BEND2: variants seen among roughly 807,000 people sequenced by gnomAD.
The protein encoded by BEND2 is BEN domain containing 2, also known as BEN domain-containing protein 2.
BEND2 carries 19 observed loss-of-function variants against 43.8 expected under a neutral mutation model. That is an observed-to-expected ratio of 0.43 (90% CI 0.30 to 0.64). BEND2 has a LOEUF of 0.64. BEND2 is among the 30% of genes least tolerant of loss of function. BEND2 has a pLI of 0.11. For missense variants in BEND2, 544 were observed against 574.0 expected, an observed-to-expected ratio of 0.95 and a Z score of 0.53; for synonymous variants, 226 against 210.1, an observed-to-expected ratio of 1.08 and a Z score of -0.66.
chrX:18,192,964 A>G (rs1207911846), intron 7 of BEND2, among the ~76,000 whole-genome samples: 2 of 111,193 alleles, frequency 1.8e-5, no homozygotes, highest in Admixed American at 9.6e-5. Context: ...ACATGGTGAA[A>G]CCCCATCTCT....
chrX:18,192,075 T>C (rs1363242114), intron 7 of BEND2, among the ~76,000 whole-genome samples: 2 of 112,275 alleles, frequency 1.8e-5, no homozygotes, highest in African/African-American at 3.2e-5. Flanking sequence ...ATCATTTCAA[T>C]CTCACCAAAA....
At chrX:18,194,226 T>C (rs903136685) in intron 7 of BEND2, among the ~76,000 whole-genome samples, 2 of 111,765 alleles carry the variant, frequency 1.8e-5, no homozygotes, top group African/African-American at 6.5e-5. Context: ...CAGTTTCTTA[T>C]AAAACTAAAC....
chrX:18,186,415 G>C (rs977623324), intron 8 of BEND2, among the ~76,000 whole-genome samples: 1 of 100,690 alleles, frequency 9.9e-6, no homozygotes, highest in Non-Finnish European at 2.0e-5. Context: ...CCGAGATTGC[G>C]CCATTGCACT....
intron 11 of BEND2, among the ~76,000 whole-genome samples, chrX:18,174,475 A>G (rs1157012058): frequency 2.7e-5 from 3 of 112,282 alleles, no homozygotes; most frequent in Non-Finnish European, 3.8e-5. Context: ...TGCTCCTTGG[A>G]GGATTTTGTA....
At chrX:18,183,926 G>T (rs962531478) in intron 8 of BEND2, among the ~76,000 whole-genome samples, 1 of 111,764 alleles carries the variant, frequency 8.9e-6, no homozygotes, top group Non-Finnish European at 1.9e-5. Flanking sequence ...CCCAAGGCTG[G>T]GGGGAACTCA....
intron 6 of BEND2, among the ~76,000 whole-genome samples, chrX:18,197,863 G>T (rs1191165307): frequency 1.8e-5 from 2 of 111,220 alleles, no homozygotes; most frequent in Non-Finnish European, 3.8e-5. Flanking sequence ...ATGGGGGCCA[G>T]TCTTTCCCAT....
At chrX:18,179,123 T>C (rs764013678) in intron 9 of BEND2, among the ~76,000 whole-genome samples, 98 of 109,771 alleles carry the variant, frequency 8.9e-4, no homozygotes, top group Admixed American at 1.6e-3. Context: ...CCAATGTATA[T>C]TTCTAACAAT....
At chrX:18,183,006 C>A (rs762616175) in intron 8 of BEND2, among the ~76,000 whole-genome samples, 1 of 91,313 alleles carries the variant, frequency 1.1e-5, no homozygotes, top group South Asian at 6.1e-4. Context: ...CATGCCATTG[C>A]ACTCCAGCCT....
chrX:18,167,906 C>T (rs756262591), intron 13 of BEND2, among the ~76,000 whole-genome samples: 21 of 112,491 alleles, frequency 1.9e-4, no homozygotes, highest in African/African-American at 5.8e-4. Flanking sequence ...TTTTCGGCTG[C>T]ATTAACAGCC....
At position 18,180,519 on chromosome X, in the gene BEND2, G is replaced by A; in HGVS notation, c.1420C>T (p.Pro474Ser). Reference sequence around the variant, plus strand: ...GTTATTTCAAACTCACCATACTTGGGAGGGATACAGACAGATGATGAGGAA... The same window carrying A: ...GTTATTTCAAACTCACCATACTTGGAAGGGATACAGACAGATGATGAGGAA... Reference protein sequence around the residue: ...DSSSSSVCIPPKYGYLGDPKR... With the variant: ...DSSSSSVCIPSKYGYLGDPKR... Residue 474 changes from proline (P) to serine (S), a missense_variant, in exon 9 of 14, where the codon CCC becomes TCC. Pro to Ser is a moderately conservative substitution (Grantham distance 74). Transcript: ENST00000380033. 2 of 1,206,280 alleles carry A rather than the reference G, an allele frequency of 1.7e-6. No homozygotes were observed. Among genetic ancestry groups the A allele is most frequent in the Non-Finnish European group, 2.2e-6 (2 of 891,012 alleles).
chrX:18,182,088 A>C lies in BEND2; in HGVS notation c.1289-1438T>G, dbSNP rs772732639. On this transcript the variant is annotated intron_variant, in intron 8 of 13. Coordinates refer to ENST00000380033, the MANE Select transcript of BEND2 (RefSeq NM_153346.5). ...GTAGATTAAAAGTAAAAGAATGAAAAATATATACCATGTGATATGGTTTGG... is the reference window on the plus strand; with the variant it reads ...GTAGATTAAAAGTAAAAGAATGAAACATATATACCATGTGATATGGTTTGG... Among the ~76,000 whole-genome samples, 9 of 111,855 alleles carry C rather than the reference A, an allele frequency of 8.0e-5. No individual in the cohort carries two copies. The East Asian group carries it at 2.5e-3, about 31-fold the overall frequency.
chrX:18,183,220 G>A (rs1158082615), intron 8 of BEND2, among the ~76,000 whole-genome samples: 1 of 109,140 alleles, frequency 9.2e-6, no homozygotes. Context: ...ACAGACCACA[G>A]CCTGAGCCAA....
chrX:18,177,619 T>C lies in BEND2; in HGVS notation c.1580A>G (p.His527Arg). 13 of 1,211,440 alleles carry C rather than the reference T, an allele frequency of 1.1e-5. No homozygotes were observed. Among genetic ancestry groups the C allele is most frequent in the Non-Finnish European group, 1.3e-5 (12 of 895,317 alleles). Residue 527 changes from histidine (H) to arginine (R), a missense_variant, in exon 10 of 14, where the codon CAT becomes CGT. Physicochemically the swap from His to Arg is conservative, Grantham distance 29 (BLOSUM62 0). This residue lies in a region of BEND2 where 501 missense variants were observed against 501.6 expected (regional missense o/e 1.00). Transcript: ENST00000380033. ...GTCGAGGGATTGGCTGTCTTTCAAA[T>C]GGATATCCACTGAGCTGCTAATCAG... ...EILISSSVDI[H>R]LKDSQSLDPN...
intron 9 of BEND2, among the ~76,000 whole-genome samples, chrX:18,179,704 G>GA (rs1924311334): frequency 8.9e-6 from 1 of 112,268 alleles, no homozygotes; most frequent in South Asian, 3.7e-4. Context: ...GCCCTTCACA[G>GA]AAAAGGTTTC....
At chrX:18,195,562 C>T (rs1409549582) in intron 6 of BEND2, 120 bp from the exon 7 acceptor site, 2 of 695,319 alleles carry the variant, frequency 2.9e-6, no homozygotes, top group South Asian at 3.2e-5. Flanking sequence ...TGTCCCTAGC[C>T]GACTTATCCA....
chrX:18,190,740 A>ACTCTCT (rs59031812), intron 8 of BEND2, among the ~76,000 whole-genome samples: 22 of 98,218 alleles, frequency 2.2e-4, no homozygotes, highest in African/African-American at 7.7e-4. Context: ...AACTAAATAT[A>ACTCTCT]CTCTCTCTCT....
chrX:18,191,919 AAC>A (rs1438423540), intron 7 of BEND2, among the ~76,000 whole-genome samples: 1 of 112,255 alleles, frequency 8.9e-6, no homozygotes, highest in Non-Finnish European at 1.9e-5. Flanking sequence ...TGGTAATGGA[AAC>A]ACATATTTCT....
chrX:18,164,977 T>TTA lies in BEND2; in HGVS notation c.*31_*32insTA. On this transcript the variant is annotated 3_prime_UTR_variant, in exon 14 of 14. Coordinates refer to ENST00000380033, the MANE Select transcript of BEND2 (RefSeq NM_153346.5). Reference sequence around the variant, plus strand: ...AAACTTACAAAATAGTCTTAACAGTTAAAAAAAAAAAAAAAGTTTGGCAGC... The same window carrying TTA: ...AAACTTACAAAATAGTCTTAACAGTTTAAAAAAAAAAAAAAAAGTTTGGCAGC... 9.5e-7 allele frequency: 1 copy of TTA among 1,056,621 alleles called. No homozygotes were observed. The highest frequency in any genetic ancestry group is 2.0e-5 in the African/African-American group (1 of 50,179). 87.1% of individuals were successfully genotyped at this position (1,056,621 alleles called of 1,213,427 possible).
At chrX:18,170,757 G>A (rs902533647) in intron 13 of BEND2, among the ~76,000 whole-genome samples, 10 of 112,129 alleles carry the variant, frequency 8.9e-5, no homozygotes, top group African/African-American at 3.2e-4. Context: ...GGGAGCCACA[G>A]TCAATAACCC....
Sources: allele counts gnomAD v4.1 joint callset (sites outside exome capture counted in the v4.1 genomes callset), GRCh38; gene constraint gnomAD v4.1.1; regional missense constraint gnomAD v4.1.1; transcripts MANE v1.5; gene names NCBI Gene and HGNC (gene_info 2026-07-23, HGNC 2026-07-21).